NEDD4L: variants seen among roughly 807,000 people sequenced by gnomAD.
The protein encoded by NEDD4L is NEDD4 like E3 ubiquitin protein ligase.
A neutral mutation model predicts 148.9 loss-of-function variants in NEDD4L; 54 were observed. The ratio of observed to expected loss-of-function variants is 0.36; its 90% CI spans 0.29 to 0.45. The LOEUF is 0.45. Ranked by LOEUF, NEDD4L falls within the 20% of genes least tolerant of loss-of-function variation. The pLI, the probability that NEDD4L is intolerant of heterozygous loss-of-function variation, is 1.00. For synonymous variants in NEDD4L, 433 were observed against 440.7 expected, an observed-to-expected ratio of 0.98 and a Z score of 0.22; for missense variants, 856 against 1,233.8, an observed-to-expected ratio of 0.69 and a Z score of 4.59.
rs1478528372 is a variant in NEDD4L at position 58,396,425 on chromosome 18, C to T, written c.*156C>T. Reference sequence around the variant, plus strand: ...CCACGCACTCGTCCAAGTTCGGATGCGGGAACCTGGTCCCAGCTTGAGTTC... The same window carrying T: ...CCACGCACTCGTCCAAGTTCGGATGTGGGAACCTGGTCCCAGCTTGAGTTC... On this transcript the variant is annotated 3_prime_UTR_variant, in exon 31 of 31. Transcript: ENST00000400345. The T allele has an allele frequency of 2.5e-5, 14 of 553,704 alleles. No individual in the cohort carries two copies. Among genetic ancestry groups the T allele is most frequent in the Non-Finnish European group, 3.9e-5 (12 of 304,524 alleles). The allele number at this position is 553,704 out of a possible 1,614,324, so 34.3% of individuals were successfully genotyped here.
chr18:58,092,541 C>T (rs750830032), intron 1 of NEDD4L, among the ~76,000 whole-genome samples: 5 of 151,824 alleles, frequency 3.3e-5, no homozygotes, highest in East Asian at 1.9e-4. Context: ...TTGGGAGGTA[C>T]GAAAGTTGTA....
At chr18:58,081,701 T>C (rs2083443062) in intron 1 of NEDD4L, among the ~76,000 whole-genome samples, 3 of 152,200 alleles carry the variant, frequency 2.0e-5, no homozygotes, top group African/African-American at 7.2e-5. Flanking sequence ...TTTTCCACTT[T>C]TGTTTCTGAA....
At chr18:58,145,586 A>G (rs1295191770) in intron 1 of NEDD4L, among the ~76,000 whole-genome samples, 2 of 151,764 alleles carry the variant, frequency 1.3e-5, no homozygotes, top group East Asian at 3.9e-4. Flanking sequence ...GGTAATTACT[A>G]CTCTAGCCAA....
At chr18:58,363,794 T>C (rs1054004972) in intron 19 of NEDD4L, among the ~76,000 whole-genome samples, 1 of 152,170 alleles carries the variant, frequency 6.6e-6, no homozygotes, top group Non-Finnish European at 1.5e-5. Context: ...TTGATAGGAG[T>C]GTCAGTTCAC....
At chr18:58,189,612 A>G (rs1304541595) in intron 2 of NEDD4L, among the ~76,000 whole-genome samples, 1 of 152,180 alleles carries the variant, frequency 6.6e-6, no homozygotes, top group African/African-American at 2.4e-5. Context: ...GGTGTGTTGA[A>G]GTGGGGCCTT....
At chr18:58,130,563 C>T (rs1311657439) in intron 1 of NEDD4L, among the ~76,000 whole-genome samples, 5 of 125,868 alleles carry the variant, frequency 4.0e-5, no homozygotes, top group African/African-American at 9.4e-5. Context: ...TGTGATCTAG[C>T]GGAACTGTGG....
In NEDD4L at chr18:58,088,774, C is replaced by G. The variant is rs146134804; in HGVS notation, c.48+44066C>G. Among the ~76,000 whole-genome samples the G allele has an allele frequency of 6.9e-3, 1,052 of 152,224 alleles. 11 individuals carry two copies. The highest frequency in any genetic ancestry group is 0.03 in the South Asian group (143 of 4,822). ...CATTGTTGCCCTGGCTATGAGGAAG[C>G]TGAGAGTGAAATTTGTCGTTCAAGT... is the stretch of plus-strand genomic sequence containing the variant. On this transcript the variant is annotated intron_variant, in intron 1 of 30. Coordinates refer to ENST00000400345, the MANE Select transcript of NEDD4L (RefSeq NM_001144967.3).
At chr18:58,149,164 G>A (rs1468117843) in intron 1 of NEDD4L, among the ~76,000 whole-genome samples, 3 of 152,204 alleles carry the variant, frequency 2.0e-5, no homozygotes, top group African/African-American at 4.8e-5. Context: ...TTTACTGAAG[G>A]TGGAGGGCCC....
chr18:58,184,201 G>A lies in NEDD4L; in HGVS notation c.122+18340G>A, dbSNP rs552925573. 2.0e-5 allele frequency among the ~76,000 whole-genome samples: 3 copies of A among 152,164 alleles called. No homozygotes were observed. In the East Asian group the frequency reaches 5.8e-4, roughly 29 times the overall value. The stretch of plus-strand genomic sequence containing the variant: ...AATCTGTTGGTAGGAGGGAATGAGG[G>A]TGTCCTGGTAGGGGTGTCTGGCTTT... On this transcript the variant is annotated intron_variant, in intron 2 of 30. Coordinates refer to ENST00000400345, the MANE Select transcript of NEDD4L (RefSeq NM_001144967.3).
chr18:58,230,037 A>G (rs2044936040), intron 2 of NEDD4L, among the ~76,000 whole-genome samples: 1 of 152,200 alleles, frequency 6.6e-6, no homozygotes, highest in African/African-American at 2.4e-5. Flanking sequence ...TCAGGTTGGA[A>G]AAATATCAAC....
intron 1 of NEDD4L, among the ~76,000 whole-genome samples, chr18:58,110,460 A>G (rs1599343838): frequency 6.6e-6 from 1 of 152,194 alleles, no homozygotes; most frequent in East Asian, 1.9e-4. Flanking sequence ...CCTGTGACTA[A>G]TTAGGCAGTG....
intron 1 of NEDD4L, among the ~76,000 whole-genome samples, chr18:58,050,629 C>T (rs2081825214): frequency 6.6e-6 from 1 of 150,498 alleles, no homozygotes; most frequent in Non-Finnish European, 1.5e-5. Flanking sequence ...GGCTTGGTGG[C>T]AGGCAACTGT....
intron 2 of NEDD4L, among the ~76,000 whole-genome samples, chr18:58,188,703 G>T (rs1568354098): frequency 6.6e-6 from 1 of 152,240 alleles, no homozygotes; most frequent in Non-Finnish European, 1.5e-5. Flanking sequence ...TAACCTACCT[G>T]CCTCCAACAT....
intron 1 of NEDD4L, among the ~76,000 whole-genome samples, chr18:58,095,595 C>T (rs1472551716): frequency 6.6e-6 from 1 of 152,178 alleles, no homozygotes; most frequent in Admixed American, 6.5e-5. Context: ...CTTGGTTGGT[C>T]CCATGGAATC....
chr18:58,157,850 G>A (rs995727941), intron 1 of NEDD4L, among the ~76,000 whole-genome samples: 6 of 152,200 alleles, frequency 3.9e-5, no homozygotes, highest in Non-Finnish European at 7.4e-5. Context: ...ACTTAGCAAA[G>A]AGATAAATGA....
chr18:58,350,239 T>C (rs2145580439), intron 17 of NEDD4L, among the ~76,000 whole-genome samples: 1 of 152,316 alleles, frequency 6.6e-6, no homozygotes, highest in South Asian at 2.1e-4. Context: ...TTTTTGTTGT[T>C]GTTTTCCAAG....
chr18:58,364,411 T>C, intron 20 of NEDD4L, 78 bp downstream of exon 20: 3 of 838,516 alleles, frequency 3.6e-6, no homozygotes, highest in South Asian at 3.4e-5. Context: ...GAGAACAACT[T>C]GGTTGTTACT....
chr18:58,272,967 G>T (rs2051280845), intron 5 of NEDD4L, among the ~76,000 whole-genome samples: 1 of 152,224 alleles, frequency 6.6e-6, no homozygotes, highest in Non-Finnish European at 1.5e-5. Context: ...TCATGGGGAG[G>T]CCTACTTGAA....
intron 2 of NEDD4L, among the ~76,000 whole-genome samples, chr18:58,216,050 G>A (rs1055604713): frequency 2.6e-5 from 4 of 151,514 alleles, no homozygotes; most frequent in Admixed American, 2.6e-4. Context: ...CTAAATTAAA[G>A]AATATTAGGA....
Sources: gnomAD v4.1 joint callset for allele counts (sites outside exome capture counted in the v4.1 genomes callset) on GRCh38, gnomAD v4.1.1 for gene constraint, MANE v1.5 for transcripts, NCBI Gene and HGNC (gene_info 2026-07-23, HGNC 2026-07-21) for gene names.